Variants in ITGA8 observed in about 807,000 individuals in gnomAD.
ITGA8 encodes integrin subunit alpha 8, also known as integrin alpha-8.
Under a neutral mutation model 142.3 loss-of-function variants are expected in ITGA8, and 91 were observed. The ratio of observed to expected loss-of-function variants is 0.64; its 90% CI spans 0.54 to 0.76. ITGA8 has a LOEUF of 0.76. ITGA8 is among the 30% of genes least tolerant of loss of function. The pLI, the probability that ITGA8 is intolerant of heterozygous loss-of-function variation, is 0.00. For missense variants in ITGA8, 1,406 were observed against 1,327.7 expected (o/e 1.06, Z -0.92); for synonymous variants, 505 against 485.2 (o/e 1.04, Z -0.54).
rs71374633 is a variant in ITGA8, at chr10:15,565,573, A to ATTTTTTTTTTTTTT, written c.2637+6624_2637+6637dup. Among the ~76,000 whole-genome samples, 38 of 34,784 alleles carry ATTTTTTTTTTTTTT rather than the reference A, an allele frequency of 1.1e-3. 7 individuals carry two copies. The highest frequency in any genetic ancestry group is 1.3e-3 in the African/African-American group (12 of 9,282). 22.8% of individuals were successfully genotyped at this position (34,784 alleles called of 152,430 possible). A position where few individuals can be genotyped will look rare whatever the true frequency, so the allele number is the denominator to read the frequency against. On this transcript the variant is annotated intron_variant, in intron 25 of 29. Coordinates refer to ENST00000378076, the MANE Select transcript of ITGA8 (RefSeq NM_003638.3). Reference sequence around the variant, plus strand: ...ATAATCTTCTTCCTTTCATGTCCTGATTTTTTTTTTTTTTTTTTTTTTTTT... The same window carrying ATTTTTTTTTTTTTT: ...ATAATCTTCTTCCTTTCATGTCCTGATTTTTTTTTTTTTTTTTTTTTTTTTTTTTTTTTTTTTTT...
intron 25 of ITGA8, 37 bp from the exon 26 acceptor site, chr10:15,558,239 A>T (rs763796174): frequency 1.1e-5 from 18 of 1,609,680 alleles, no homozygotes; most frequent in African/African-American, 1.3e-5. Flanking sequence ...CATTAAAAAC[A>T]CATGAACAGT....
chr10:15,680,390 C>T (rs1350438665), intron 4 of ITGA8, among the ~76,000 whole-genome samples: 2 of 151,788 alleles, frequency 1.3e-5, no homozygotes, highest in African/African-American at 4.8e-5. Flanking sequence ...TAACCTCATG[C>T]ACTGTATTTT....
At chr10:15,691,179 A>C (rs1319638240) in intron 2 of ITGA8, among the ~76,000 whole-genome samples, 1 of 152,222 alleles carries the variant, frequency 6.6e-6, no homozygotes, top group Admixed American at 6.5e-5. Context: ...ATTATCAAAA[A>C]GACAAAAGAT....
chr10:15,570,276 A>G (rs1834154169), intron 25 of ITGA8, among the ~76,000 whole-genome samples: 1 of 152,208 alleles, frequency 6.6e-6, no homozygotes, highest in African/African-American at 2.4e-5. Context: ...TAAAAGTATT[A>G]GCCTCAGACA....
chr10:15,669,950 C>T (rs1490595814), intron 8 of ITGA8, among the ~76,000 whole-genome samples: 1 of 152,188 alleles, frequency 6.6e-6, no homozygotes, highest in Non-Finnish European at 1.5e-5. Context: ...AGTTAGGCTA[C>T]TCAGGGGTCA....
intron 7 of ITGA8, 131 bp from the exon 8 acceptor site, chr10:15,671,778 A>T (rs1311539741): frequency 3.0e-6 from 2 of 668,274 alleles, no homozygotes; most frequent in Non-Finnish European, 2.5e-6. Context: ...TATAAAAGTT[A>T]AAGATTCTAT....
At chr10:15,555,797 G>C (rs1462575541) in intron 26 of ITGA8, among the ~76,000 whole-genome samples, 2 of 150,434 alleles carry the variant, frequency 1.3e-5, no homozygotes, top group Admixed American at 1.3e-4. Context: ...CCGGGTTCAC[G>C]CCATTCTCCT....
intron 8 of ITGA8, among the ~76,000 whole-genome samples, chr10:15,665,425 C>T (rs1185884782): frequency 6.6e-6 from 1 of 152,106 alleles, no homozygotes; most frequent in Non-Finnish European, 1.5e-5. Flanking sequence ...AGCTCTTTGT[C>T]AGATGAGTAG....
chr10:15,567,008 A>G (rs936501414), intron 25 of ITGA8, among the ~76,000 whole-genome samples: 4 of 150,318 alleles, frequency 2.7e-5, no homozygotes, highest in East Asian at 2.0e-4. Flanking sequence ...AAATACAAAA[A>G]CTATCCAGGT....
chr10:15,531,437 C>G lies in ITGA8; in HGVS notation c.2881-286G>C, dbSNP rs1179256047. The stretch of plus-strand genomic sequence containing the variant: ...ATCTATCCATCCATTTATCTTCTTC[C>G]TATTTCTAAGGAGAATTTATCTCAT... On this transcript the variant is annotated intron_variant, in intron 27 of 29. Coordinates refer to ENST00000378076, the MANE Select transcript of ITGA8 (RefSeq NM_003638.3). Among the ~76,000 whole-genome samples the G allele has an allele frequency of 2.5e-5, 3 of 120,436 alleles. No homozygotes were observed. The East Asian group carries it at 5.8e-4, about 23-fold the overall frequency. 79.0% of individuals were successfully genotyped at this position (120,436 alleles called of 152,430 possible). A position where few individuals can be genotyped will look rare whatever the true frequency, so the allele number is the denominator to read the frequency against.
intron 24 of ITGA8, among the ~76,000 whole-genome samples, chr10:15,573,999 AT>A (rs1380232202): frequency 6.6e-6 from 1 of 151,732 alleles, no homozygotes; most frequent in Admixed American, 6.6e-5. Flanking sequence ...TTATTTTTTT[AT>A]TTTTAGAGAT....
Position 15,574,237 on chromosome 10 carries a change from T to C in ITGA8, c.2478+1252A>G, listed in dbSNP as rs145884861. On this transcript the variant is annotated intron_variant, in intron 24 of 29. Transcript: ENST00000378076. The stretch of plus-strand genomic sequence containing the variant: ...TGGGAAAAGAACATCAGCTCCTTTT[T>C]ATGCATCACTGGTTCACTTCTGGAA... Among the ~76,000 whole-genome samples, 508 of 152,376 alleles carry C rather than the reference T, an allele frequency of 3.3e-3. 3 individuals carry two copies. Among genetic ancestry groups the C allele is most frequent in the African/African-American group, 0.012 (484 of 41,598 alleles).
chr10:15,530,562 A>AAAAAAAAC (rs1250342904), intron 28 of ITGA8, among the ~76,000 whole-genome samples: 1 of 151,400 alleles, frequency 6.6e-6, no homozygotes, highest in Non-Finnish European at 1.5e-5. Context: ...AAAAAAAAAA[A>AAAAAAAAC]AGACATTTCA....
intron 26 of ITGA8, among the ~76,000 whole-genome samples, chr10:15,548,937 C>G (rs1040451584): frequency 1.3e-5 from 2 of 152,122 alleles, no homozygotes; most frequent in Non-Finnish European, 2.9e-5. Context: ...ACTCTTGAGC[C>G]TATATTATCT....
intron 2 of ITGA8, among the ~76,000 whole-genome samples, chr10:15,693,933 CTG>C (rs1256057716): frequency 1.3e-5 from 2 of 151,646 alleles, no homozygotes; most frequent in African/African-American, 2.4e-5. Context: ...CAGCGTAAGT[CTG>C]TGTTTTGGTA....
chr10:15,588,983 G>A (rs968948368), intron 22 of ITGA8, among the ~76,000 whole-genome samples: 1 of 152,180 alleles, frequency 6.6e-6, no homozygotes, highest in Non-Finnish European at 1.5e-5. Context: ...AAAGGAACCA[G>A]GCTTGAGAAA....
At chr10:15,693,113 C>T (rs1335356817) in intron 2 of ITGA8, among the ~76,000 whole-genome samples, 2 of 152,142 alleles carry the variant, frequency 1.3e-5, no homozygotes, top group Non-Finnish European at 2.9e-5. Context: ...TGCATGTTTT[C>T]TTTCACTCTT....
intron 13 of ITGA8, among the ~76,000 whole-genome samples, chr10:15,621,834 T>C (rs1246223934): frequency 6.6e-6 from 1 of 151,972 alleles, no homozygotes; most frequent in African/African-American, 2.4e-5. Flanking sequence ...GCCACTGCAC[T>C]CCAGCCTGTG....
At chr10:15,525,338 T>C (rs1490562634) in intron 28 of ITGA8, among the ~76,000 whole-genome samples, 1 of 151,956 alleles carries the variant, frequency 6.6e-6, no homozygotes. Flanking sequence ...AATGTTCTAA[T>C]AGTCACGTTA....
Sources: allele counts gnomAD v4.1 joint callset (sites outside exome capture counted in the v4.1 genomes callset), GRCh38; gene constraint gnomAD v4.1.1; transcripts MANE v1.5; gene names NCBI Gene and HGNC (gene_info 2026-07-23, HGNC 2026-07-21).